CPNE4: variants seen among roughly 807,000 people sequenced by gnomAD.
CPNE4 encodes copine-4.
A neutral mutation model predicts 67.9 loss-of-function variants in CPNE4; 25 were observed. The observed-to-expected ratio is 0.37, with a 90% CI of 0.27 to 0.51. The LOEUF (loss-of-function observed/expected upper bound fraction) is 0.51. CPNE4 is among the 20% of genes least tolerant of loss of function. CPNE4 has a pLI of 0.93. For synonymous variants in CPNE4, 242 were observed against 244.9 expected (o/e 0.99, Z 0.11); for missense variants, 464 against 690.8 (o/e 0.67, Z 3.68).
chr3:131,670,658 C>T (rs181438113), intron 6 of CPNE4, among the ~76,000 whole-genome samples: 84 of 152,276 alleles, frequency 5.5e-4, no homozygotes, highest in Admixed American at 1.6e-3. Context: ...CCAGAACTAC[C>T]GACAGACACT....
At chr3:131,792,728 T>TATACACGTGTATATATGTATATATATAC (rs1553772333) in intron 2 of CPNE4, among the ~76,000 whole-genome samples, 1 of 93,554 alleles carries the variant, frequency 1.1e-5, no homozygotes, top group African/African-American at 3.4e-5. Flanking sequence ...TGTATATATA[T>TATACACGTGTATATATGTATATATATAC]ACACGTGTGT....
At chr3:131,957,864 G>T (rs932075578) in intron 1 of CPNE4, among the ~76,000 whole-genome samples, 14 of 152,214 alleles carry the variant, frequency 9.2e-5, no homozygotes, top group African/African-American at 3.1e-4. Context: ...AGGCAAAACC[G>T]CAAAGCCAGA....
chr3:131,627,203 AAAAAAAAG>A (rs1200241427), intron 7 of CPNE4, among the ~76,000 whole-genome samples: 5 of 151,486 alleles, frequency 3.3e-5, no homozygotes, highest in East Asian at 1.9e-4. Context: ...CAAAAAAAAA[AAAAAAAAG>A]AAAAAAAGAA....
At chr3:131,545,255 C>T (rs995658463) in intron 14 of CPNE4, among the ~76,000 whole-genome samples, 3 of 151,994 alleles carry the variant, frequency 2.0e-5, no homozygotes, top group African/African-American at 7.3e-5. Context: ...ATTTTTTCAA[C>T]AATTAAAAAA....
intron 2 of CPNE4, among the ~76,000 whole-genome samples, chr3:131,793,872 G>A (rs570532223): frequency 3.3e-5 from 5 of 152,278 alleles, no homozygotes; most frequent in Admixed American, 2.6e-4. Context: ...GCATTCTCCA[G>A]TCACTCACAT....
chr3:131,760,738 A>G (rs2082864591), intron 2 of CPNE4, among the ~76,000 whole-genome samples: 1 of 152,192 alleles, frequency 6.6e-6, no homozygotes, highest in Non-Finnish European at 1.5e-5. Flanking sequence ...CAGATACTTC[A>G]TTCCCCAAAA....
rs71788145 is a variant in CPNE4, at chr3:131,737,115, CTTTTTTTTTTT to C, written c.181-13501_181-13491del. Among the ~76,000 whole-genome samples the C allele has an allele frequency of 2.4e-4, 12 of 49,400 alleles. 1 individual carries two copies. The highest frequency in any genetic ancestry group is 2.4e-3 in the South Asian group (2 of 844). 32.4% of individuals were successfully genotyped at this position (49,400 alleles called of 152,430 possible). A position where few individuals can be genotyped will look rare whatever the true frequency, so the allele number is the denominator to read the frequency against. On this transcript the variant is annotated intron_variant, in intron 2 of 15. Coordinates refer to ENST00000429747, the MANE Select transcript of CPNE4 (RefSeq NM_130808.3). ...TGCCTCTTTTTATGAAGTATTGTGT[CTTTTTTTTTTT>C]TTTTTTTTTTTTTTTGAGAGGGAGT...
intron 1 of CPNE4, among the ~76,000 whole-genome samples, chr3:132,021,355 T>C (rs941884131): frequency 6.6e-6 from 1 of 152,252 alleles, no homozygotes; most frequent in African/African-American, 2.4e-5. Flanking sequence ...CTTAGCTATT[T>C]GGCCCATAGT....
chr3:131,718,671 C>T (rs1418933365), intron 3 of CPNE4, among the ~76,000 whole-genome samples: 1 of 152,188 alleles, frequency 6.6e-6, no homozygotes, highest in Non-Finnish European at 1.5e-5. Context: ...CCCTTGGATT[C>T]ACATTTCTAT....
intron 1 of CPNE4, among the ~76,000 whole-genome samples, chr3:131,946,808 ATAAT>A (rs773804811): frequency 1.3e-5 from 2 of 152,198 alleles, no homozygotes; most frequent in East Asian, 3.8e-4. Flanking sequence ...GCCGTTATAA[ATAAT>A]TACTTTTATG....
chr3:131,874,676 A>T (rs1188374922), intron 2 of CPNE4, among the ~76,000 whole-genome samples: 1 of 152,226 alleles, frequency 6.6e-6, no homozygotes, highest in Non-Finnish European at 1.5e-5. Flanking sequence ...ATGCTACTTC[A>T]TATTCATTGT....
chr3:131,549,248 G>A lies in CPNE4; in HGVS notation c.1302+699C>T, dbSNP rs539706558. ...ATTGATGTAAGAAGATAAGGGAGTA[G>A]TATTTTTTTAAATAAAAACTCAGTA... is the stretch of plus-strand genomic sequence containing the variant. On this transcript the variant is annotated intron_variant, in intron 14 of 15. Transcript: ENST00000429747. Among the ~76,000 whole-genome samples, 38 of 152,166 alleles carry A rather than the reference G, an allele frequency of 2.5e-4. 1 individual carries two copies. In the South Asian group the frequency reaches 7.9e-3, roughly 32 times the overall value.
At chr3:131,829,019 G>A (rs749055244) in intron 2 of CPNE4, among the ~76,000 whole-genome samples, 11 of 152,164 alleles carry the variant, frequency 7.2e-5, no homozygotes, top group South Asian at 2.1e-4. Context: ...AGGGGAGGCC[G>A]CACAATCGTG....
intron 6 of CPNE4, among the ~76,000 whole-genome samples, chr3:131,676,530 T>C (rs768349648): frequency 3.3e-5 from 5 of 152,170 alleles, no homozygotes; most frequent in Non-Finnish European, 7.3e-5. Context: ...CTCTCCCTCC[T>C]ACCACCTTCT....
At chr3:131,723,315 A>G in intron 3 of CPNE4, 131 bp downstream of exon 3, 6 of 786,504 alleles carry the variant, frequency 7.6e-6, no homozygotes, top group Non-Finnish European at 1.2e-5. Flanking sequence ...GGGAAGTTGT[A>G]AAATGCTGCA....
chr3:131,846,124 C>T (rs905110180), intron 2 of CPNE4, among the ~76,000 whole-genome samples: 8 of 152,070 alleles, frequency 5.3e-5, no homozygotes, highest in Non-Finnish European at 1.0e-4. Context: ...CATTTCTGTG[C>T]CTATCTCCTA....
At chr3:131,535,659 C>G (rs1294444787) in intron 15 of CPNE4, among the ~76,000 whole-genome samples, 3 of 152,162 alleles carry the variant, frequency 2.0e-5, no homozygotes, top group Non-Finnish European at 2.9e-5. Context: ...AGGTGCCACA[C>G]TAGGGTTTGA....
chr3:131,575,012 CA>C (rs1370383267), intron 10 of CPNE4, 58 bp downstream of exon 10: 1 of 1,438,386 alleles, frequency 7.0e-7, no homozygotes, highest in African/African-American at 1.4e-5. Context: ...AACCCAGTGC[CA>C]CCCCTCATCT....
chr3:131,975,480 T>A (rs900818019), intron 1 of CPNE4, among the ~76,000 whole-genome samples: 2 of 152,234 alleles, frequency 1.3e-5, no homozygotes, highest in African/African-American at 2.4e-5. Context: ...TAGGCTTCTA[T>A]GAAAACATTC....
Sources: allele counts gnomAD v4.1 joint callset (sites outside exome capture counted in the v4.1 genomes callset), GRCh38; gene constraint gnomAD v4.1.1; transcripts MANE v1.5; gene names NCBI Gene and HGNC (gene_info 2026-07-23, HGNC 2026-07-21).